Variants in COG1 observed in about 807,000 individuals in gnomAD.
COG1 encodes conserved oligomeric Golgi complex subunit 1.
Under a neutral mutation model 102.2 loss-of-function variants are expected in COG1, and 61 were observed. The observed-to-expected ratio is 0.60, with a 90% CI of 0.49 to 0.74. COG1 has a LOEUF of 0.74. Among genes scored for constraint, COG1 ranks in the 30% least tolerant of loss-of-function variants. The pLI is 0.00. For synonymous variants in COG1, 454 were observed against 493.6 expected (o/e 0.92, Z 1.06); for missense variants, 1,164 against 1,232.1 (o/e 0.94, Z 0.83).
chr17:73,203,054 C>G lies in COG1; in HGVS notation c.2128C>G (p.Leu710Val). ...ACTTCTAGATGATGCTGGCTCAGTT[C>G]TGGCCACAGCCACCAGCTGGGATGA... ...SLLLDDAGSV[L>V]ATATSWDELE... is the part of the protein sequence containing the mutation. Residue 710 changes from leucine to valine, a missense_variant, in exon 8 of 14, where the codon CTG becomes GTG. By Grantham distance (32) the Leu-to-Val change is conservative. Transcript: ENST00000299886. 1 of 1,614,162 alleles carries G rather than the reference C, an allele frequency of 6.2e-7. No homozygotes were observed. Among genetic ancestry groups the G allele is most frequent in the Non-Finnish European group, 8.5e-7 (1 of 1,180,020 alleles).
chr17:73,207,689 C>T (rs780951011), intron 13 of COG1: 17 of 1,292,970 alleles, frequency 1.3e-5, no homozygotes, highest in Middle Eastern at 2.1e-4. Context: ...TGTTAATACA[C>T]GTTTCATTTC....
intron 13 of COG1, 88 bp downstream of exon 13, chr17:73,207,344 A>G (rs761010061): frequency 2.4e-5 from 28 of 1,188,256 alleles, no homozygotes; most frequent in South Asian, 2.1e-4. Context: ...TAAATAACTG[A>G]TTAAGAACTG....
chr17:73,208,431 C>A lies in COG1; in HGVS notation c.2923C>A (p.Leu975Ile). 6.2e-7 allele frequency: 1 copy of A among 1,614,200 alleles called. No homozygotes were observed. Among genetic ancestry groups the A allele is most frequent in the South Asian group, 1.1e-5 (1 of 91,090 alleles). The change falls in exon 14 of 14, where the codon CTC becomes ATC. Residue 975 changes from leucine to isoleucine, a missense_variant. Physicochemically the swap from Leu to Ile is conservative, Grantham distance 5. Coordinates refer to ENST00000299886, the MANE Select transcript of COG1 (RefSeq NM_018714.3). The stretch of plus-strand genomic sequence containing the variant: ...ACCTTCATTATTCAAACTTGGCTGG[C>A]TCTCTAGTATGACTAAGTAACATGG... ...SAPSLFKLGW[L>I]SSMTK
chr17:73,197,508 G>A, intron 4 of COG1, 112 bp downstream of exon 4: 2 of 1,128,016 alleles, frequency 1.8e-6, no homozygotes. Context: ...CAGTGAACTG[G>A]ACAAATAGAG....
intron 7 of COG1, 73 bp from the exon 8 acceptor site, chr17:73,202,927 T>C: frequency 6.5e-7 from 1 of 1,528,042 alleles, no homozygotes; most frequent in Non-Finnish European, 9.1e-7. Context: ...TTCTCAGGAT[T>C]ACACAGATTG....
In COG1 at chr17:73,203,083, A is replaced by AC. The variant is rs773617397; in HGVS notation, c.2157_2158insC (p.Glu720ArgfsTer32). 6.2e-7 allele frequency: 1 copy of AC among 1,614,220 alleles called. No homozygotes were observed. The highest frequency in any genetic ancestry group is 1.3e-5 in the African/African-American group (1 of 75,064). ...CCACAGCCACCAGCTGGGATGAGCT[A>AC]GAAATTCAGGAGGAGGCAGAGTCTG... On this transcript the variant is annotated frameshift_variant, in exon 8 of 14. Transcript: ENST00000299886. LOFTEE classifies it high-confidence loss of function.
chr17:73,196,617 C>G lies in COG1; in HGVS notation c.426C>G (p.His142Gln), dbSNP rs781020287. Reference sequence around the variant, plus strand: ...CGATGGAAGCCTCTCAGTGTCTCCACGCCACACAGCTCTACCTGCTCTGCT... The same window carrying G: ...CGATGGAAGCCTCTCAGTGTCTCCAGGCCACACAGCTCTACCTGCTCTGCT... ...WSSMEASQCL[H>Q]ATQLYLLCCH... Residue 142 changes from histidine (H) to glutamine (Q), a missense_variant, in exon 2 of 14, where the codon CAC becomes CAG. By Grantham distance (24) the His-to-Gln change is conservative. Transcript: ENST00000299886. The G allele has an allele frequency of 1.2e-6, 2 of 1,614,084 alleles. No individual in the cohort carries two copies. Among genetic ancestry groups the G allele is most frequent in the Non-Finnish European group, 8.5e-7 (1 of 1,180,050 alleles).
chr17:73,196,975 G>A lies in COG1; in HGVS notation c.636G>A (p.Leu212=). ...CTGACCAAGCTGTGGCCGAGGCCCTGTGCTCTATAATGCTCTTAGAAGAGA... is the reference window on the plus strand; with the variant it reads ...CTGACCAAGCTGTGGCCGAGGCCCTATGCTCTATAATGCTCTTAGAAGAGA... ...GVSDQAVAEA[L]CSIMLLEESS... The change falls in exon 3 of 14, where the codon CTG becomes CTA. Residue 212 remains leucine, a synonymous_variant. Coordinates refer to ENST00000299886, the MANE Select transcript of COG1 (RefSeq NM_018714.3). The A allele has an allele frequency of 6.2e-7, 1 of 1,614,200 alleles. No homozygotes were observed. The highest frequency in any genetic ancestry group is 8.5e-7 in the Non-Finnish European group (1 of 1,180,030).
In COG1 at chr17:73,193,279, C is replaced by G. The variant is rs774109257; in HGVS notation, c.210C>G (p.Arg70=). The change falls in exon 1 of 14, where the codon CGC becomes CGG. Residue 70 remains arginine, a synonymous_variant. Coordinates refer to ENST00000299886, the MANE Select transcript of COG1 (RefSeq NM_018714.3). ...IEAADTIGQM[R]RCAVGLVDAV... is the part of the protein sequence containing the mutation. ...CGGCCGACACCATCGGCCAGATGCG[C>G]CGCTGCGCCGTGGGGCTAGTGGACG... The G allele has an allele frequency of 1.2e-6, 2 of 1,603,122 alleles. No individual in the cohort carries two copies. The highest frequency in any genetic ancestry group is 2.2e-5 in the South Asian group (2 of 89,336).
chr17:73,196,519 T>A lies in COG1; in HGVS notation c.328T>A (p.Ser110Thr). 6.2e-7 allele frequency: 1 copy of A among 1,614,178 alleles called. No homozygotes were observed. The highest frequency in any genetic ancestry group is 1.1e-5 in the South Asian group (1 of 91,082). Reference sequence around the variant, plus strand: ...CCTTCCCCTGCAGCCACAGCAGCCATCCCAGGAGAAGTTCTACAGCATGGC... The same window carrying A: ...CCTTCCCCTGCAGCCACAGCAGCCAACCCAGGAGAAGTTCTACAGCATGGC... The part of the protein sequence containing the change: ...PPRAQQPQQP[S>T]QEKFYSMAAQ... The change falls in exon 2 of 14, where the codon TCC becomes ACC. Residue 110 changes from serine (S) to threonine (T), a missense_variant. Transcript: ENST00000299886.
intron 13 of COG1, chr17:73,207,922 G>A: frequency 8.4e-7 from 1 of 1,186,496 alleles, no homozygotes; most frequent in Non-Finnish European, 1.1e-6. Context: ...TAAAAGTTGG[G>A]AGATGGTAGT....
chr17:73,205,764 C>A, intron 10 of COG1, 84 bp downstream of exon 10: 1 of 1,520,632 alleles, frequency 6.6e-7, no homozygotes, highest in Non-Finnish European at 9.1e-7. Context: ...CCAGAGTCAG[C>A]CTGTTATACT....
chr17:73,204,173 CAA>C (rs906612403), intron 9 of COG1, among the ~76,000 whole-genome samples: 2 of 152,036 alleles, frequency 1.3e-5, no homozygotes, highest in Admixed American at 1.3e-4. Flanking sequence ...CTTAAAAAGA[CAA>C]AACAAAAAAA....
intron 1 of COG1, among the ~76,000 whole-genome samples, chr17:73,195,055 G>A (rs377335546): frequency 2.6e-5 from 4 of 152,276 alleles, no homozygotes; most frequent in African/African-American, 4.8e-5. Flanking sequence ...TTTAGTACAC[G>A]TGTCCCCTTA....
rs1413123720 is a variant in COG1 at position 73,200,322 on chromosome 17, C to T, written c.1071-244C>T. ...TGCATTGTTTTTTTAAGCCATTCCG[C>T]AGGGTCCAGACTTGCGTATATCCTC... On this transcript the variant is annotated intron_variant, in intron 5 of 13. Transcript: ENST00000299886. Among the ~76,000 whole-genome samples the T allele has an allele frequency of 3.3e-5, 5 of 152,198 alleles. No homozygotes were observed. In the East Asian group the frequency reaches 9.6e-4, roughly 29 times the overall value.
chr17:73,206,575 T>C (rs1005905466), intron 11 of COG1, 133 bp from the exon 12 acceptor site: 10 of 736,114 alleles, frequency 1.4e-5, no homozygotes, highest in Admixed American at 2.1e-5. Flanking sequence ...TCGTGAAGCA[T>C]AAATGCACTC....
chr17:73,204,687 A>G (rs1444930638), intron 9 of COG1, among the ~76,000 whole-genome samples: 3 of 151,488 alleles, frequency 2.0e-5, no homozygotes, highest in Admixed American at 6.6e-5. Flanking sequence ...AGCCTCCCGA[A>G]TAGTTGGGAC....
rs1385919921 is a variant in COG1 at position 73,205,911 on chromosome 17, C to T, written c.2510+231C>T. On this transcript the variant is annotated intron_variant, in intron 10 of 13. Transcript: ENST00000299886. ...TCCCCTCTCTTCTGAGTCAGCCTAG[C>T]AGCTGCTGAGTATCATTTGAGCCCT... The T allele has an allele frequency of 4.4e-6, 3 of 686,838 alleles. No homozygotes were observed. The East Asian group carries it at 8.1e-5, about 19-fold the overall frequency. The allele number at this position is 686,838 out of a possible 1,614,324, so 42.5% of individuals were successfully genotyped here.
rs766885461 is a variant in COG1 at position 73,196,755 on chromosome 17, A to G, written c.560+4A>G. The G allele has an allele frequency of 3.4e-5, 55 of 1,613,988 alleles. No homozygotes were observed. The highest frequency in any genetic ancestry group is 4.6e-5 in the Non-Finnish European group (54 of 1,180,018). On this transcript the variant is annotated splice_donor_region_variant and intron_variant, in intron 2 of 13. Transcript: ENST00000299886. Reference sequence around the variant, plus strand: ...TGGCAGCCGCCAGCCACTTCCGGTAAGTGGATCCAGCGCAAAGAGCTGCTC... The same window carrying G: ...TGGCAGCCGCCAGCCACTTCCGGTAGGTGGATCCAGCGCAAAGAGCTGCTC...
Sources: allele counts gnomAD v4.1 joint callset (sites outside exome capture counted in the v4.1 genomes callset), GRCh38; gene constraint gnomAD v4.1.1; transcripts MANE v1.5; gene names NCBI Gene and HGNC (gene_info 2026-07-23, HGNC 2026-07-21).